Variants in PCDHA6 observed in about 807,000 individuals in gnomAD.
PCDHA6 encodes the protein protocadherin alpha-6.
Under a neutral mutation model 60.3 loss-of-function variants are expected in PCDHA6, and 55 were observed. The ratio of observed to expected loss-of-function variants is 0.91; its 90% CI spans 0.73 to 1.14. PCDHA6 has a LOEUF of 1.14. PCDHA6 is among the 50% of genes most tolerant of loss of function. The pLI, the probability that PCDHA6 is intolerant of heterozygous loss-of-function variation, is 0.00. For missense variants in PCDHA6, 1,327 were observed against 1,256.5 expected, an observed-to-expected ratio of 1.06 and a Z score of -0.85; for synonymous variants, 652 against 557.9, an observed-to-expected ratio of 1.17 and a Z score of -2.38.
At chr5:140,868,882 T>G in intron 1 of PCDHA6, 1 of 715,192 alleles carries the variant, frequency 1.4e-6, no homozygotes, top group Non-Finnish European at 2.2e-6. Context: ...GTACTCACAG[T>G]TTTAGGCGCA....
chr5:140,856,200 T>G (rs1463727286), intron 1 of PCDHA6: 1 of 1,597,908 alleles, frequency 6.3e-7, no homozygotes, highest in African/African-American at 1.3e-5. Flanking sequence ...GCGCAGGACC[T>G]GGGGCTGGAG....
chr5:141,000,805 G>C (rs1049253262), intron 3 of PCDHA6, among the ~76,000 whole-genome samples: 2 of 151,852 alleles, frequency 1.3e-5, no homozygotes, highest in Non-Finnish European at 2.9e-5. Context: ...TACTCAGAAG[G>C]CTGAGGTGGG....
intron 1 of PCDHA6, among the ~76,000 whole-genome samples, chr5:140,910,536 C>G (rs1554194300): frequency 1.3e-5 from 2 of 152,168 alleles, no homozygotes; most frequent in African/African-American, 4.8e-5. Flanking sequence ...CCTCACAAAT[C>G]TATTTTGCAA....
At chr5:141,006,368 C>A (rs1395158727) in intron 3 of PCDHA6, among the ~76,000 whole-genome samples, 1 of 151,954 alleles carries the variant, frequency 6.6e-6, no homozygotes, top group Non-Finnish European at 1.5e-5. Flanking sequence ...CCCACCACCA[C>A]GCCCGGCTAA....
chr5:141,002,284 A>T (rs1334096097), intron 3 of PCDHA6, among the ~76,000 whole-genome samples: 1 of 152,180 alleles, frequency 6.6e-6, no homozygotes, highest in Non-Finnish European at 1.5e-5. Flanking sequence ...CAAAGGGATG[A>T]ATGGGGAGCA....
intron 1 of PCDHA6, among the ~76,000 whole-genome samples, chr5:140,962,845 C>G (rs2095712902): frequency 6.6e-6 from 1 of 152,172 alleles, no homozygotes; most frequent in African/African-American, 2.4e-5. Flanking sequence ...TATTATATAA[C>G]TTGTGCTCGG....
chr5:140,870,709 G>T (rs782475792), intron 1 of PCDHA6: 1 of 1,613,052 alleles, frequency 6.2e-7, no homozygotes, highest in Non-Finnish European at 8.5e-7. Context: ...CCAGGTGAGC[G>T]CGCGCGATGC....
rs782058694 is a variant in PCDHA6 at position 140,883,215 on chromosome 5, A to G, written c.2394+52730A>G. On this transcript the variant is annotated intron_variant, in intron 1 of 3. Coordinates refer to ENST00000529310, the MANE Select transcript of PCDHA6 (RefSeq NM_018909.4). ...CTAGATTTCGAAGAAAAGAAATTAT[A>G]TGAAATATCCGTGGAGGCAGTTGAC... 2.5e-6 allele frequency: 4 copies of G among 1,613,954 alleles called. No individual in the cohort carries two copies. Among genetic ancestry groups the G allele is most frequent in the Non-Finnish European group, 3.4e-6 (4 of 1,180,034 alleles).
At chr5:140,931,791 T>A (rs1168945699) in intron 1 of PCDHA6, among the ~76,000 whole-genome samples, 1 of 152,016 alleles carries the variant, frequency 6.6e-6, no homozygotes, top group African/African-American at 2.4e-5. Context: ...CCTATTGATC[T>A]GATCTTAATT....
chr5:140,938,034 A>G (rs541380016), intron 1 of PCDHA6, among the ~76,000 whole-genome samples: 2 of 152,160 alleles, frequency 1.3e-5, no homozygotes, highest in South Asian at 4.2e-4. Flanking sequence ...TCATATTTTT[A>G]TATTTTGGGT....
chr5:140,857,478 C>G (rs782202072), intron 1 of PCDHA6: 1 of 1,598,590 alleles, frequency 6.3e-7, no homozygotes, highest in Non-Finnish European at 8.6e-7. Context: ...TTCACGGTGT[C>G]TGCGTGGGAC....
At chr5:140,994,563 G>A (rs1554254253) in intron 3 of PCDHA6, among the ~76,000 whole-genome samples, 1 of 151,976 alleles carries the variant, frequency 6.6e-6, no homozygotes, top group Non-Finnish European at 1.5e-5. Flanking sequence ...AAATTAGCCG[G>A]GTGTGGTGGC....
intron 3 of PCDHA6, among the ~76,000 whole-genome samples, chr5:140,992,665 T>A (rs1219714191): frequency 2.6e-5 from 4 of 152,096 alleles, no homozygotes; most frequent in Non-Finnish European, 5.9e-5. Context: ...CTGATTGGTG[T>A]GTATGTGTGT....
At chr5:140,991,026 T>A (rs1003749305) in intron 3 of PCDHA6, among the ~76,000 whole-genome samples, 8 of 152,210 alleles carry the variant, frequency 5.3e-5, no homozygotes, top group Admixed American at 2.0e-4. Context: ...ACTTTACATA[T>A]GTTGCATACT....
intron 1 of PCDHA6, chr5:140,864,198 A>G (rs1437307959): frequency 6.6e-6 from 1 of 152,182 alleles, no homozygotes; most frequent in Non-Finnish European, 1.5e-5. Flanking sequence ...TCCTTATGAG[A>G]AGGTCAAATC....
chr5:140,898,246 A>G (rs377438166), intron 1 of PCDHA6, among the ~76,000 whole-genome samples: 49 of 152,286 alleles, frequency 3.2e-4, no homozygotes, highest in African/African-American at 1.1e-3. Context: ...TTGGTGTTTT[A>G]GACATGAAGT....
intron 1 of PCDHA6, among the ~76,000 whole-genome samples, chr5:140,942,544 G>T (rs546340510): frequency 1.6e-4 from 24 of 152,000 alleles, no homozygotes; most frequent in Non-Finnish European, 2.9e-4. Context: ...TATGGTGGGG[G>T]GTAGGGGGTT....
chr5:140,941,573 C>T (rs1220556647), intron 1 of PCDHA6, among the ~76,000 whole-genome samples: 1 of 152,108 alleles, frequency 6.6e-6, no homozygotes, highest in African/African-American at 2.4e-5. Flanking sequence ...CCTCAGCCTC[C>T]CAAAGTGCTG....
chr5:140,841,573 G>C, intron 1 of PCDHA6: 1 of 1,614,016 alleles, frequency 6.2e-7, no homozygotes. Flanking sequence ...ATGGCATTTT[G>C]TTTGTGAATT....
Sources: gnomAD v4.1 joint callset for allele counts (sites outside exome capture counted in the v4.1 genomes callset) on GRCh38, gnomAD v4.1.1 for gene constraint, MANE v1.5 for transcripts, NCBI Gene and HGNC (gene_info 2026-07-23, HGNC 2026-07-21) for gene names.